TBX19: variants seen among roughly 807,000 people sequenced by gnomAD.
TBX19 encodes T-box transcription factor TBX19.
In TBX19, 33 loss-of-function variants were observed where a neutral mutation model predicts 40.9. The observed-to-expected ratio is 0.81, with a 90% CI of 0.61 to 1.08. TBX19 has a LOEUF of 1.08. Among genes scored for constraint, TBX19 ranks in the 50% least tolerant of loss-of-function variants. The probability of loss-of-function intolerance (pLI) is 0.00; values close to 1 mark genes in which losing one functional copy is unlikely to be tolerated. For synonymous variants in TBX19, 220 were observed against 225.0 expected (o/e 0.98, Z 0.20); for missense variants, 494 against 574.0 (o/e 0.86, Z 1.42).
At position 168,293,295 on chromosome 1, in the gene TBX19, G is replaced by GTGTGTGTGTGTT; in HGVS notation, c.603+28_603+29insTTGTGTGTGTGT. ...AATGAGGAGGTAAGAGTGTGTGTGT[G>GTGTGTGTGTGTT]TGTGTGTGTGTGTGTGTGTGTGTGT... is the stretch of plus-strand genomic sequence containing the variant. On this transcript the variant is annotated intron_variant, in intron 3 of 7. Coordinates refer to ENST00000367821, the MANE Select transcript of TBX19 (RefSeq NM_005149.3). 1 of 1,503,118 alleles carries GTGTGTGTGTGTT rather than the reference G, an allele frequency of 6.7e-7. No individual in the cohort carries two copies. The highest frequency in any genetic ancestry group is 8.9e-7 in the Non-Finnish European group (1 of 1,125,188). 93.1% of individuals were successfully genotyped at this position (1,503,118 alleles called of 1,614,324 possible).
At chr1:168,293,315 G>A in intron 3 of TBX19, 37 bp downstream of exon 3, 7 of 1,574,204 alleles carry the variant, frequency 4.4e-6, no homozygotes, top group Non-Finnish European at 6.0e-6. Flanking sequence ...GTGTGTGTGT[G>A]TGTGTGTGTG....
At chr1:168,297,312 T>C (rs1006356914) in intron 3 of TBX19, among the ~76,000 whole-genome samples, 1 of 152,214 alleles carries the variant, frequency 6.6e-6, no homozygotes. Flanking sequence ...CTCCACTGTG[T>C]ACCAAGTAAC....
chr1:168,296,114 A>G (rs1212707591), intron 3 of TBX19, among the ~76,000 whole-genome samples: 4 of 152,092 alleles, frequency 2.6e-5, no homozygotes, highest in Non-Finnish European at 5.9e-5. Flanking sequence ...CCGAGTGGCG[A>G]GTGGGCGTGG....
At chr1:168,295,293 GA>G (rs368797835) in intron 3 of TBX19, among the ~76,000 whole-genome samples, 7,758 of 144,776 alleles carry the variant, frequency 0.054, 371 homozygotes, top group East Asian at 0.13. Flanking sequence ...TTGGTCTCAG[GA>G]AAAAAAAAAA....
intron 7 of TBX19, among the ~76,000 whole-genome samples, chr1:168,310,798 A>T (rs1649502994): frequency 6.8e-6 from 1 of 146,736 alleles, no homozygotes; most frequent in Non-Finnish European, 1.5e-5. Context: ...AAAAATATAT[A>T]TTTTAATATC....
chr1:168,311,375 G>T (rs1649517853), intron 7 of TBX19, among the ~76,000 whole-genome samples: 1 of 152,154 alleles, frequency 6.6e-6, no homozygotes, highest in Non-Finnish European at 1.5e-5. Context: ...CAGAGCCCAT[G>T]GTTCTCCCAC....
intron 6 of TBX19, among the ~76,000 whole-genome samples, chr1:168,305,662 C>T (rs530306212): frequency 7.9e-5 from 12 of 152,260 alleles, no homozygotes; most frequent in African/African-American, 2.6e-4. Flanking sequence ...TATGTTCAGG[C>T]CTTAGTCTGA....
chr1:168,304,896 T>C (rs1384873574), intron 5 of TBX19, 112 bp from the exon 6 acceptor site: 1 of 1,083,584 alleles, frequency 9.2e-7, no homozygotes, highest in Non-Finnish European at 1.4e-6. Context: ...TCACACAGGC[T>C]GGCATCAGTG....
At position 168,300,499 on chromosome 1, in the gene TBX19, A is replaced by G. The variant is rs371273315; in HGVS notation, c.727+16A>G. ...TATTCTCACTGTGAGTTGGGTGTAC[A>G]TGAGGCGGGAGGTGCGTGGGGCTGT... On this transcript the variant is annotated intron_variant, in intron 5 of 7. Transcript: ENST00000367821. 3.7e-6 allele frequency: 6 copies of G among 1,613,658 alleles called. No individual in the cohort carries two copies. Among genetic ancestry groups the G allele is most frequent in the Non-Finnish European group, 5.1e-6 (6 of 1,179,826 alleles).
chr1:168,286,380 G>A lies in TBX19; in HGVS notation c.204-4780G>A, dbSNP rs139234315. On this transcript the variant is annotated intron_variant, in intron 1 of 7. Transcript: ENST00000367821. ...TTATTGCTTCAAAAGGAAGCCCTGCGCCCTTAGCAGTCACCTCCTCTGGCA... is the reference window on the plus strand; with the variant it reads ...TTATTGCTTCAAAAGGAAGCCCTGCACCCTTAGCAGTCACCTCCTCTGGCA... 4.2e-3 allele frequency among the ~76,000 whole-genome samples: 635 copies of A among 152,276 alleles called. 1 individual carries two copies. Among genetic ancestry groups the A allele is most frequent in the Middle Eastern group, 0.017 (5 of 294 alleles).
In TBX19 at chr1:168,313,213, A is replaced by G. The variant is rs1036685546; in HGVS notation, c.*211A>G. The G allele has an allele frequency of 3.2e-6, 2 of 628,288 alleles. No homozygotes were observed. The highest frequency in any genetic ancestry group is 1.9e-5 in the South Asian group (1 of 51,538). 38.9% of individuals were successfully genotyped at this position (628,288 alleles called of 1,614,324 possible). A position where few individuals can be genotyped will look rare whatever the true frequency, so the allele number is the denominator to read the frequency against. On this transcript the variant is annotated 3_prime_UTR_variant, in exon 8 of 8. Coordinates refer to ENST00000367821, the MANE Select transcript of TBX19 (RefSeq NM_005149.3). Reference sequence around the variant, plus strand: ...GCATCTCTCCACCATTTTCTTCTGCACTCCCATTTTCTCTGCAGCTTATTC... The same window carrying G: ...GCATCTCTCCACCATTTTCTTCTGCGCTCCCATTTTCTCTGCAGCTTATTC...
At chr1:168,308,607 C>A in intron 6 of TBX19, 135 bp from the exon 7 acceptor site, 1 of 1,129,030 alleles carries the variant, frequency 8.9e-7, no homozygotes, top group Non-Finnish European at 1.3e-6. Flanking sequence ...TTCTATTTCC[C>A]TGAGAAAGAA....
chr1:168,310,934 C>A (rs1649506621), intron 7 of TBX19, among the ~76,000 whole-genome samples: 1 of 147,580 alleles, frequency 6.8e-6, no homozygotes. Flanking sequence ...ACATCAAATG[C>A]ATGTTGAAAT....
chr1:168,291,462 G>C (rs757432282), intron 2 of TBX19, 38 bp downstream of exon 2: 3 of 1,613,906 alleles, frequency 1.9e-6, no homozygotes, highest in Non-Finnish European at 2.5e-6. Context: ...ACCCGCTCCG[G>C]CCTCCCCACA....
At chr1:168,300,732 A>T (rs891358402) in intron 5 of TBX19, among the ~76,000 whole-genome samples, 1 of 152,236 alleles carries the variant, frequency 6.6e-6, no homozygotes, top group African/African-American at 2.4e-5. Flanking sequence ...TGAATTTCTT[A>T]GACTCTGGTT....
At chr1:168,296,858 A>C (rs1649119320) in intron 3 of TBX19, among the ~76,000 whole-genome samples, 1 of 147,532 alleles carries the variant, frequency 6.8e-6, no homozygotes, top group Non-Finnish European at 1.5e-5. Flanking sequence ...TGGGAGCAAG[A>C]CTCCCGTCTC....
Position 168,293,237 on chromosome 1 carries a change from G to A in TBX19, c.562G>A (p.Glu188Lys), listed in dbSNP as rs1159356681. 1 of 1,612,916 alleles carries A rather than the reference G, an allele frequency of 6.2e-7. No individual in the cohort carries two copies. Among genetic ancestry groups the A allele is most frequent in the Admixed American group, 1.7e-5 (1 of 59,918 alleles). Residue 188 changes from glutamate (E) to lysine (K), a missense_variant, in exon 3 of 8, where the codon GAA becomes AAA. Physicochemically the swap from Glu to Lys is moderately conservative, Grantham distance 56 (BLOSUM62 1). Transcript: ENST00000367821. ...AATGGTAACAAACTGCTCCTTCCCT[G>A]AAACCCAGTTCATAGCCGTGACTGC... is the stretch of plus-strand genomic sequence containing the variant. ...HRMVTNCSFP[E>K]TQFIAVTAYQ... is the part of the protein sequence containing the mutation.
At chr1:168,297,138 T>A (rs1649132742) in intron 3 of TBX19, among the ~76,000 whole-genome samples, 1 of 152,170 alleles carries the variant, frequency 6.6e-6, no homozygotes, top group Non-Finnish European at 1.5e-5. Context: ...TAATGAGAAA[T>A]GAAGCAGGCT....
chr1:168,305,123 C>G lies in TBX19; in HGVS notation c.843C>G (p.His281Gln). 6.2e-7 allele frequency: 1 copy of G among 1,614,104 alleles called. No individual in the cohort carries two copies. ...CCCACACCCACCATGGCTGTGAGCA[C>G]TATTCGGGTCTCCGAGGACACCGGC... ...PAPHTHHGCE[H>Q]YSGLRGHRQA... Residue 281 changes from histidine to glutamine, a missense_variant, in exon 6 of 8, where the codon CAC becomes CAG. Transcript: ENST00000367821.
Sources: allele counts gnomAD v4.1 joint callset (sites outside exome capture counted in the v4.1 genomes callset), GRCh38; gene constraint gnomAD v4.1.1; transcripts MANE v1.5; gene names NCBI Gene and HGNC (gene_info 2026-07-23, HGNC 2026-07-21).